TSTD2: variants seen among roughly 807,000 people sequenced by gnomAD.
TSTD2 encodes thiosulfate sulfurtransferase like domain containing 2, also known as thiosulfate sulfurtransferase/rhodanese-like domain-containing protein 2.
TSTD2 carries 37 observed loss-of-function variants against 47.9 expected under a neutral mutation model. The ratio of observed to expected loss-of-function variants is 0.77; its 90% CI spans 0.59 to 1.02. The LOEUF (loss-of-function observed/expected upper bound fraction) is 1.02. Among genes scored for constraint, TSTD2 ranks in the 50% least tolerant of loss-of-function variants. TSTD2 has a pLI of 0.00. For missense variants in TSTD2, 586 were observed against 616.0 expected (o/e 0.95, Z 0.52); for synonymous variants, 201 against 215.9 (o/e 0.93, Z 0.61).
Position 97,602,649 on chromosome 9 carries a change from GAC to G in TSTD2, c.1369_1370del (p.Val457HisfsTer19), listed in dbSNP as rs1310269729. The G allele has an allele frequency of 3.7e-6, 6 of 1,614,080 alleles. No homozygotes were observed. The African/African-American group carries it at 8.0e-5, about 22-fold the overall frequency. On this transcript the variant is annotated frameshift_variant, in exon 10 of 10. Coordinates refer to ENST00000341170, the MANE Select transcript of TSTD2 (RefSeq NM_139246.5). LOFTEE classifies it low-confidence loss of function (END_TRUNC). Reference protein sequence around the residue: ...CQGQGFTACCVTCQDKGSRKV... With the variant: ...CQGQGFTACCXTCQDKGSRKV... ...TCCTGCTCCCCTTGTCTTGACATGT[GAC>G]ACAACAGGCTGTGAATCCTTGTCCT...
In TSTD2 at chr9:97,610,426, A is replaced by G. The variant is rs998124576; in HGVS notation, c.755T>C (p.Phe252Ser). 2.5e-6 allele frequency: 4 copies of G among 1,584,688 alleles called. No individual in the cohort carries two copies. In the East Asian group the frequency reaches 9.4e-5, roughly 37 times the overall value. Reference protein sequence around the residue: ...FKTSKGGAHCFPELRVGVFEE... With the variant: ...FKTSKGGAHCSPELRVGVFEE... ...AAATACACCAACACGCAATTCTGGA[A>G]AACAGTGAGCTCCTCCTTTGCTGGT... The change falls in exon 6 of 10, where the codon TTT (phenylalanine) becomes TCT (serine). Residue 252 changes from phenylalanine (F) to serine (S), a missense_variant. By Grantham distance (155) the Phe-to-Ser change is radical. Coordinates refer to ENST00000341170, the MANE Select transcript of TSTD2 (RefSeq NM_139246.5).
At chr9:97,632,549 A>T (rs1428719467) in intron 1 of TSTD2, among the ~76,000 whole-genome samples, 4 of 147,208 alleles carry the variant, frequency 2.7e-5, no homozygotes, top group Non-Finnish European at 6.0e-5. Flanking sequence ...GGCTCAGCTA[A>T]TTTTTTTTTT....
intron 4 of TSTD2, among the ~76,000 whole-genome samples, chr9:97,616,360 G>A (rs1826541010): frequency 6.6e-6 from 1 of 152,176 alleles, no homozygotes; most frequent in Admixed American, 6.5e-5. Flanking sequence ...AGAAGTGGCA[G>A]CCACTGAAAG....
rs771861295 is a variant in TSTD2, at chr9:97,606,132, CT to C, written c.954+10del. On this transcript the variant is annotated intron_variant, in intron 7 of 9. Coordinates refer to ENST00000341170, the MANE Select transcript of TSTD2 (RefSeq NM_139246.5). ...ACCAATTCAGAGAACTCAGTTCTGG[CT>C]TTTACTTACTATTTTGCTTTCATAG... The C allele has an allele frequency of 1.2e-4, 185 of 1,556,188 alleles. No homozygotes were observed. Among genetic ancestry groups the C allele is most frequent in the Non-Finnish European group, 1.5e-4 (172 of 1,129,090 alleles).
intron 6 of TSTD2, among the ~76,000 whole-genome samples, chr9:97,609,327 T>C (rs950852340): frequency 6.6e-6 from 1 of 152,156 alleles, no homozygotes; most frequent in Non-Finnish European, 1.5e-5. Context: ...GATCAACTTA[T>C]AGGAAATAAA....
At chr9:97,633,120 G>A (rs1406699364) in intron 1 of TSTD2, 123 bp downstream of exon 1, 1 of 153,744 alleles carries the variant, frequency 6.5e-6, no homozygotes, top group Non-Finnish European at 1.4e-5. Context: ...CATACCAAGG[G>A]GCGGCACGTG....
At chr9:97,607,072 A>T (rs1826378117) in intron 6 of TSTD2, among the ~76,000 whole-genome samples, 1 of 152,164 alleles carries the variant, frequency 6.6e-6, no homozygotes, top group Non-Finnish European at 1.5e-5. Flanking sequence ...AGGCTGATGC[A>T]GGAGGACCCC....
At chr9:97,612,360 C>T (rs1456913114) in intron 4 of TSTD2, among the ~76,000 whole-genome samples, 1 of 152,166 alleles carries the variant, frequency 6.6e-6, no homozygotes, top group Non-Finnish European at 1.5e-5. Flanking sequence ...GGGTACATAC[C>T]CAGTAATGGG....
Position 97,611,438 on chromosome 9 carries a change from C to T in TSTD2, c.729+136G>A, listed in dbSNP as rs76189134. On this transcript the variant is annotated intron_variant, in intron 5 of 9. Coordinates refer to ENST00000341170, the MANE Select transcript of TSTD2 (RefSeq NM_139246.5). ...TCAAAAAACAAAACAAAAAAACTCC[C>T]CAAGCCCCAAAAAATAAAGGGGAAA... 8,187 of 1,081,908 alleles carry T rather than the reference C, an allele frequency of 7.6e-3. 454 individuals are homozygous for T. The East Asian group carries it at 0.1, about 14-fold the overall frequency. 67.0% of individuals were successfully genotyped at this position (1,081,908 alleles called of 1,614,324 possible). A position where few individuals can be genotyped will look rare whatever the true frequency, so the allele number is the denominator to read the frequency against.
chr9:97,616,268 C>A (rs188817115), intron 4 of TSTD2, among the ~76,000 whole-genome samples: 36 of 151,926 alleles, frequency 2.4e-4, no homozygotes, highest in Non-Finnish European at 4.3e-4. Flanking sequence ...CAGTATCAGA[C>A]GAGAGGAAAA....
rs1322283024 is a variant in TSTD2, at chr9:97,626,585, TCAAA to T, written c.166-592_166-589del. On this transcript the variant is annotated intron_variant, in intron 2 of 9. Transcript: ENST00000341170. ...ATTACTTATGCTTATTGTAAAACAA[TCAAA>T]CAGAAAATTCTCTTAACCAGTTACC... Among the ~76,000 whole-genome samples, 5 of 152,288 alleles carry T rather than the reference TCAAA, an allele frequency of 3.3e-5. No individual in the cohort carries two copies. The East Asian group carries it at 7.7e-4, about 23-fold the overall frequency.
At chr9:97,623,329 C>G (rs1022068184) in intron 3 of TSTD2, among the ~76,000 whole-genome samples, 2 of 152,214 alleles carry the variant, frequency 1.3e-5, no homozygotes, top group Non-Finnish European at 2.9e-5. Context: ...CAGGTCTCCC[C>G]TGCCATGCGG....
Position 97,601,178 on chromosome 9 carries a change from C to A in TSTD2, c.*1291G>T. 1 of 1,297,146 alleles carries A rather than the reference C, an allele frequency of 7.7e-7. No homozygotes were observed. The highest frequency in any genetic ancestry group is 1.0e-6 in the Non-Finnish European group (1 of 986,096). The allele number at this position is 1,297,146 out of a possible 1,614,324, so 80.4% of individuals were successfully genotyped here. The stretch of plus-strand genomic sequence containing the variant: ...AGGGACAACCATCCCCATTTGGCTT[C>A]TCCTTAAAACACAATTGCAGCTGCA... On this transcript the variant is annotated 3_prime_UTR_variant, in exon 10 of 10. Transcript: ENST00000341170.
intron 4 of TSTD2, among the ~76,000 whole-genome samples, chr9:97,613,624 T>C (rs532723893): frequency 5.3e-5 from 8 of 152,228 alleles, no homozygotes; most frequent in African/African-American, 1.9e-4. Context: ...AACTGAGCTC[T>C]CTAAAGAAAA....
chr9:97,631,854 A>AC (rs1826822843), intron 1 of TSTD2, among the ~76,000 whole-genome samples: 1 of 151,928 alleles, frequency 6.6e-6, no homozygotes, highest in Non-Finnish European at 1.5e-5. Context: ...AAAAAAAAAA[A>AC]ATCATACTCC....
At chr9:97,602,981 G>T in intron 9 of TSTD2, 1 of 488,812 alleles carries the variant, frequency 2.0e-6, no homozygotes, top group Non-Finnish European at 3.6e-6. Flanking sequence ...GTAACTGTCT[G>T]CTTCCAGTAT....
chr9:97,608,686 CA>C (rs919433904), intron 6 of TSTD2, among the ~76,000 whole-genome samples: 3 of 152,164 alleles, frequency 2.0e-5, no homozygotes, highest in African/African-American at 7.2e-5. Flanking sequence ...AACAAGACAG[CA>C]CTGCCTAGAG....
At chr9:97,610,164 C>T in intron 6 of TSTD2, 182 bp downstream of exon 6, 2 of 471,564 alleles carry the variant, frequency 4.2e-6, no homozygotes, top group Non-Finnish European at 7.7e-6. Context: ...AGAGGTGAGT[C>T]TTCAACCCCA....
chr9:97,613,805 T>C (rs1300291377), intron 4 of TSTD2, among the ~76,000 whole-genome samples: 1 of 151,940 alleles, frequency 6.6e-6, no homozygotes, highest in Non-Finnish European at 1.5e-5. Flanking sequence ...GACACATCAG[T>C]TGATGCCTCA....
Sources: gnomAD v4.1 joint callset for allele counts (sites outside exome capture counted in the v4.1 genomes callset) on GRCh38, gnomAD v4.1.1 for gene constraint, MANE v1.5 for transcripts, NCBI Gene and HGNC (gene_info 2026-07-23, HGNC 2026-07-21) for gene names.